The following PTPRK variants were observed in gnomAD, a reference collection of about 807,000 sequenced individuals.
The protein encoded by PTPRK is receptor-type tyrosine-protein phosphatase kappa.
Under a neutral mutation model 178.0 loss-of-function variants are expected in PTPRK, and 75 were observed. The observed-to-expected ratio is 0.42, with a 90% CI of 0.35 to 0.51. PTPRK has a LOEUF of 0.51. Ranked by LOEUF, PTPRK falls within the 20% of genes least tolerant of loss-of-function variation. The pLI is 0.02. For synonymous variants in PTPRK, 637 were observed against 620.6 expected, an observed-to-expected ratio of 1.03 and a Z score of -0.39; for missense variants, 1,441 against 1,797.8, an observed-to-expected ratio of 0.80 and a Z score of 3.59.
intron 1 of PTPRK, among the ~76,000 whole-genome samples, chr6:128,468,318 C>A (rs954413267): frequency 6.6e-6 from 1 of 152,136 alleles, no homozygotes; most frequent in Non-Finnish European, 1.5e-5. Flanking sequence ...TATACACACA[C>A]ACAATCTTAG....
intron 24 of PTPRK, among the ~76,000 whole-genome samples, chr6:127,982,209 A>G (rs1253465575): frequency 6.6e-6 from 1 of 152,170 alleles, no homozygotes; most frequent in Admixed American, 6.5e-5. Flanking sequence ...GTATGACTGC[A>G]TGAAAAAAAG....
intron 13 of PTPRK, among the ~76,000 whole-genome samples, chr6:128,056,091 C>T (rs1183178936): frequency 6.8e-6 from 1 of 146,600 alleles, no homozygotes; most frequent in Non-Finnish European, 1.5e-5. Flanking sequence ...TAGATTGTTG[C>T]TAATAGTGAG....
At chr6:128,259,423 G>A (rs1327017331) in intron 3 of PTPRK, among the ~76,000 whole-genome samples, 1 of 152,082 alleles carries the variant, frequency 6.6e-6, no homozygotes, top group Non-Finnish European at 1.5e-5. Context: ...AAAACATTAT[G>A]TATTATGATT....
At chr6:128,332,925 CTTGTT>C (rs1830463110) in intron 2 of PTPRK, among the ~76,000 whole-genome samples, 2 of 152,200 alleles carry the variant, frequency 1.3e-5, no homozygotes, top group Admixed American at 6.5e-5. Flanking sequence ...TTTAAGAACT[CTTGTT>C]TTAAGATTTT....
intron 1 of PTPRK, among the ~76,000 whole-genome samples, chr6:128,516,213 G>A (rs191406258): frequency 1.3e-5 from 2 of 152,270 alleles, no homozygotes; most frequent in East Asian, 1.9e-4. Flanking sequence ...CAGAGTGGCA[G>A]AGGGGTTGAT....
At chr6:128,160,229 A>T (rs1274739773) in intron 7 of PTPRK, among the ~76,000 whole-genome samples, 1 of 151,798 alleles carries the variant, frequency 6.6e-6, no homozygotes, top group Non-Finnish European at 1.5e-5. Context: ...AAAGGGAGCA[A>T]TATCAGTACC....
chr6:127,977,889 C>CAAT (rs1013898763), intron 25 of PTPRK, among the ~76,000 whole-genome samples: 20 of 151,944 alleles, frequency 1.3e-4, no homozygotes, highest in African/African-American at 3.9e-4. Flanking sequence ...TAATTATTTG[C>CAAT]AATAATAATA....
At chr6:128,061,238 C>CAGAG (rs1053151269) in intron 13 of PTPRK, among the ~76,000 whole-genome samples, 10 of 151,848 alleles carry the variant, frequency 6.6e-5, no homozygotes, top group Non-Finnish European at 1.5e-4. Flanking sequence ...AAATAATTTC[C>CAGAG]AGAGAGAGAG....
intron 15 of PTPRK, among the ~76,000 whole-genome samples, chr6:127,999,596 G>A (rs1777559104): frequency 6.6e-6 from 1 of 152,056 alleles, no homozygotes; most frequent in Non-Finnish European, 1.5e-5. Flanking sequence ...CGCTTCTGGA[G>A]CAAAATGTGG....
At chr6:128,092,286 TA>T (rs1306622896) in intron 7 of PTPRK, among the ~76,000 whole-genome samples, 1 of 152,176 alleles carries the variant, frequency 6.6e-6, no homozygotes, top group Non-Finnish European at 1.5e-5. Context: ...CTGATGTTGA[TA>T]AAATAGTGAC....
chr6:128,160,408 CGA>C (rs1378219756), intron 7 of PTPRK, among the ~76,000 whole-genome samples: 2 of 151,570 alleles, frequency 1.3e-5, no homozygotes, highest in Non-Finnish European at 3.0e-5. Flanking sequence ...TTCAAAAACA[CGA>C]GATATACTCC....
chr6:128,387,236 G>T (rs752918910), intron 2 of PTPRK, among the ~76,000 whole-genome samples: 3 of 152,100 alleles, frequency 2.0e-5, no homozygotes, highest in Non-Finnish European at 4.4e-5. Context: ...TTCACCAAAG[G>T]ATTCGCTAAT....
At chr6:128,513,594 A>C (rs926499361) in intron 1 of PTPRK, among the ~76,000 whole-genome samples, 1 of 152,214 alleles carries the variant, frequency 6.6e-6, no homozygotes, top group Non-Finnish European at 1.5e-5. Context: ...ATCCTTTTGC[A>C]ATATTCTTGA....
intron 3 of PTPRK, among the ~76,000 whole-genome samples, chr6:128,274,421 G>A (rs1820399761): frequency 6.6e-6 from 1 of 152,050 alleles, no homozygotes; most frequent in South Asian, 2.1e-4. Context: ...ATGGGCCTAT[G>A]AAGACAACTT....
chr6:128,249,981 G>A (rs1816197245), intron 3 of PTPRK, among the ~76,000 whole-genome samples: 1 of 152,130 alleles, frequency 6.6e-6, no homozygotes. Context: ...AATCATGAAG[G>A]CAGTTTCCCC....
At chr6:128,392,129 C>CAG (rs2128364988) in intron 2 of PTPRK, among the ~76,000 whole-genome samples, 1 of 152,256 alleles carries the variant, frequency 6.6e-6, no homozygotes, top group African/African-American at 2.4e-5. Flanking sequence ...CACCTGGCTC[C>CAG]ATCAAGGTGG....
intron 13 of PTPRK, among the ~76,000 whole-genome samples, chr6:128,051,660 T>G (rs1779017916): frequency 6.6e-6 from 1 of 152,144 alleles, no homozygotes. Context: ...CTACCTCACT[T>G]TCTTCCTCCT....
At chr6:128,156,139 C>A (rs1216868803) in intron 7 of PTPRK, among the ~76,000 whole-genome samples, 1 of 151,760 alleles carries the variant, frequency 6.6e-6, no homozygotes, top group African/African-American at 2.4e-5. Flanking sequence ...TCTATGTATT[C>A]TTTAAACTAT....
intron 5 of PTPRK, among the ~76,000 whole-genome samples, chr6:128,223,186 T>C (rs1188798673): frequency 2.0e-5 from 3 of 152,030 alleles, no homozygotes; most frequent in African/African-American, 7.2e-5. Context: ...ATATTTAATA[T>C]ATATTATCTT....
Sources: allele counts gnomAD v4.1 joint callset (sites outside exome capture counted in the v4.1 genomes callset), GRCh38; gene constraint gnomAD v4.1.1; transcripts MANE v1.5; gene names NCBI Gene and HGNC (gene_info 2026-07-23, HGNC 2026-07-21).